The following GULP1 variants were observed in gnomAD, a reference collection of about 807,000 sequenced individuals.
The protein encoded by GULP1 is PTB domain-containing engulfment adapter protein 1.
GULP1 carries 19 observed loss-of-function variants against 40.9 expected under a neutral mutation model. That is an observed-to-expected ratio of 0.46 (90% CI 0.32 to 0.68). The LOEUF (loss-of-function observed/expected upper bound fraction) is 0.68, where lower values mean the gene tolerates loss of function less well. GULP1 is among the 30% of genes least tolerant of loss of function. The probability of loss-of-function intolerance (pLI) is 0.03; values close to 1 mark genes in which losing one functional copy is unlikely to be tolerated. For synonymous variants in GULP1, 119 were observed against 117.6 expected, an observed-to-expected ratio of 1.01 and a Z score of -0.08; for missense variants, 312 against 362.2, an observed-to-expected ratio of 0.86 and a Z score of 1.12.
intron 5 of GULP1, among the ~76,000 whole-genome samples, chr2:188,525,919 C>T (rs1028078473): frequency 1.3e-5 from 2 of 152,014 alleles, no homozygotes; most frequent in East Asian, 1.9e-4. Context: ...GCTCATTTCC[C>T]GCAGGATTAT....
chr2:188,455,572 T>A (rs966232773), intron 2 of GULP1, among the ~76,000 whole-genome samples: 1 of 152,214 alleles, frequency 6.6e-6, no homozygotes, highest in Non-Finnish European at 1.5e-5. Context: ...TCCCCAGCCA[T>A]GTGGAACTGT....
chr2:188,556,709 G>C (rs962736756), intron 7 of GULP1, among the ~76,000 whole-genome samples: 1 of 152,080 alleles, frequency 6.6e-6, no homozygotes, highest in Admixed American at 6.6e-5. Context: ...TACTTTTTGT[G>C]GGGAGGATGT....
intron 1 of GULP1, among the ~76,000 whole-genome samples, chr2:188,380,921 G>T (rs2048932260): frequency 6.6e-6 from 1 of 152,042 alleles, no homozygotes. Context: ...TACTGTTGGG[G>T]ATAAAGGAAG....
chr2:188,427,888 A>G (rs762630286), intron 2 of GULP1, among the ~76,000 whole-genome samples: 11 of 152,208 alleles, frequency 7.2e-5, no homozygotes, highest in Non-Finnish European at 1.2e-4. Context: ...GGTAGATACA[A>G]TGGCAGCTTG....
At chr2:188,511,784 A>G (rs1427951646) in intron 4 of GULP1, among the ~76,000 whole-genome samples, 2 of 152,216 alleles carry the variant, frequency 1.3e-5, no homozygotes, top group Non-Finnish European at 2.9e-5. Flanking sequence ...AAAATGAGGA[A>G]CAAATATTAA....
At chr2:188,407,113 T>A (rs1238103774) in intron 2 of GULP1, among the ~76,000 whole-genome samples, 1 of 152,070 alleles carries the variant, frequency 6.6e-6, no homozygotes, top group Non-Finnish European at 1.5e-5. Flanking sequence ...TTCAAAATGC[T>A]GAGGGAAAAA....
chr2:188,543,056 TAA>T (rs995432631), intron 7 of GULP1, among the ~76,000 whole-genome samples: 22 of 152,168 alleles, frequency 1.4e-4, no homozygotes, highest in South Asian at 2.1e-4. Context: ...ATTTAAAATA[TAA>T]GTTTGCCACC....
In GULP1 at chr2:188,405,105, C is replaced by G. The variant is rs922882451; in HGVS notation, c.-45+21216C>G. Among the ~76,000 whole-genome samples the G allele has an allele frequency of 5.3e-5, 8 of 152,272 alleles. No homozygotes were observed. The East Asian group carries it at 1.6e-3, about 30-fold the overall frequency. ...GGGCTTAGCCCCATGGACCTAGGCT[C>G]CAGAACTGCTCCCATGCGAGGTTTC... On this transcript the variant is annotated intron_variant, in intron 2 of 11. Transcript: ENST00000409830.
chr2:188,515,875 T>C (rs1296287752), intron 4 of GULP1, among the ~76,000 whole-genome samples: 3 of 152,210 alleles, frequency 2.0e-5, no homozygotes, highest in Non-Finnish European at 4.4e-5. Context: ...GGTTATCTTC[T>C]GGGGGCTTAA....
At chr2:188,488,511 A>G (rs993577250) in intron 4 of GULP1, among the ~76,000 whole-genome samples, 4 of 152,062 alleles carry the variant, frequency 2.6e-5, no homozygotes, top group African/African-American at 9.7e-5. Context: ...TGTTCTGTCA[A>G]CTCTGGAGTT....
chr2:188,332,503 A>G (rs1359417965), intron 1 of GULP1, among the ~76,000 whole-genome samples: 1 of 152,124 alleles, frequency 6.6e-6, no homozygotes, highest in Admixed American at 6.6e-5. Flanking sequence ...TATTCTTTTA[A>G]CAAACACTTG....
intron 1 of GULP1, among the ~76,000 whole-genome samples, chr2:188,339,422 A>T (rs184222772): frequency 1.3e-5 from 2 of 152,256 alleles, no homozygotes; most frequent in Non-Finnish European, 2.9e-5. Flanking sequence ...GGTTTTAGAG[A>T]TGCTTTGGAT....
chr2:188,588,206 G>A (rs373627274), intron 11 of GULP1: 2 of 443,156 alleles, frequency 4.5e-6, no homozygotes, highest in African/African-American at 2.0e-5. Flanking sequence ...ATACAAAATG[G>A]CATGGATTCT....
chr2:188,303,641 T>C (rs1445276487), intron 1 of GULP1, among the ~76,000 whole-genome samples: 1 of 152,050 alleles, frequency 6.6e-6, no homozygotes, highest in Non-Finnish European at 1.5e-5. Flanking sequence ...AGCATGGAGA[T>C]TGGGTTGGAG....
chr2:188,576,895 T>C (rs1700279080), intron 9 of GULP1, among the ~76,000 whole-genome samples: 1 of 152,132 alleles, frequency 6.6e-6, no homozygotes, highest in Non-Finnish European at 1.5e-5. Context: ...GATTTCCATT[T>C]ATTACATTCA....
chr2:188,441,983 A>G (rs557138785), intron 2 of GULP1, among the ~76,000 whole-genome samples: 1 of 152,372 alleles, frequency 6.6e-6, no homozygotes, highest in Non-Finnish European at 1.5e-5. Flanking sequence ...CATAAAAAAT[A>G]GCCTTTAAAA....
In GULP1 at chr2:188,594,975, C is replaced by A. The variant is rs1306565317; in HGVS notation, c.*964C>A. The A allele has an allele frequency of 6.7e-6, 1 of 150,162 alleles. No homozygotes were observed. Among genetic ancestry groups the A allele is most frequent in the African/African-American group, 2.4e-5 (1 of 40,874 alleles). 9.3% of individuals were successfully genotyped at this position (150,162 alleles called of 1,614,324 possible). On this transcript the variant is annotated 3_prime_UTR_variant, in exon 12 of 12. Coordinates refer to ENST00000409830, the MANE Select transcript of GULP1 (RefSeq NM_016315.4). ...CCTCTTGGTTTTGATACTTTAAAAT[C>A]TGTGGCACCCGTTCTACATGAATTA...
intron 2 of GULP1, among the ~76,000 whole-genome samples, chr2:188,475,355 A>G (rs1043813908): frequency 8.6e-5 from 13 of 151,906 alleles, no homozygotes; most frequent in Admixed American, 2.0e-4. Flanking sequence ...TATATCCTCC[A>G]TGTTTGCTCC....
At chr2:188,583,330 G>A (rs1025126479) in intron 9 of GULP1, among the ~76,000 whole-genome samples, 10 of 152,044 alleles carry the variant, frequency 6.6e-5, no homozygotes, top group African/African-American at 2.4e-5. Flanking sequence ...AAAATTAAAC[G>A]TATTCTGAGA....
Sources: gnomAD v4.1 joint callset for allele counts (sites outside exome capture counted in the v4.1 genomes callset) on GRCh38, gnomAD v4.1.1 for gene constraint, MANE v1.5 for transcripts, NCBI Gene and HGNC (gene_info 2026-07-23, HGNC 2026-07-21) for gene names.